The following PIK3C2G variants were observed in gnomAD, a reference collection of about 807,000 sequenced individuals.
PIK3C2G encodes the protein phosphatidylinositol 3-kinase C2 domain-containing subunit gamma.
PIK3C2G carries 168 observed loss-of-function variants against 181.1 expected under a neutral mutation model. The observed-to-expected ratio is 0.93, with a 90% CI of 0.82 to 1.05. The LOEUF (loss-of-function observed/expected upper bound fraction) is 1.05. PIK3C2G is among the 50% of genes least tolerant of loss of function. PIK3C2G has a pLI of 0.00. For synonymous variants in PIK3C2G, 573 were observed against 592.2 expected (o/e 0.97, Z 0.47); for missense variants, 1,869 against 1,732.8 (o/e 1.08, Z -1.40).
chr12:18,449,215 C>G (rs983298484), intron 18 of PIK3C2G, among the ~76,000 whole-genome samples: 4 of 152,072 alleles, frequency 2.6e-5, no homozygotes, highest in African/African-American at 9.7e-5. Context: ...TCTCTGCTTT[C>G]ATGCCAGTAC....
chr12:18,683,410 T>C, the PIK3C2G span: 2 of 1,468,490 alleles, frequency 1.4e-6, no homozygotes, highest in Non-Finnish European at 1.9e-6. Flanking sequence ...AAGAGCTCTT[T>C]ACTAAGCCTA....
chr12:18,701,689 T>TAC, the PIK3C2G span: 7 of 1,610,370 alleles, frequency 4.3e-6, no homozygotes, highest in Non-Finnish European at 5.9e-6. Flanking sequence ...TCCTCCACCT[T>TAC]ACCACGCTTA....
At chr12:18,560,200 T>C (rs1056405099) in intron 26 of PIK3C2G, among the ~76,000 whole-genome samples, 3 of 151,966 alleles carry the variant, frequency 2.0e-5, no homozygotes, top group African/African-American at 7.2e-5. Flanking sequence ...AAAAATCCTC[T>C]ACTCCTTCCT....
At chr12:18,449,993 G>T (rs1337268598) in intron 18 of PIK3C2G, among the ~76,000 whole-genome samples, 1 of 152,126 alleles carries the variant, frequency 6.6e-6, no homozygotes, top group South Asian at 2.1e-4. Context: ...GCATGAGATG[G>T]TTTCTCATAT....
chr12:18,394,448 A>C (rs1943733477), intron 15 of PIK3C2G, among the ~76,000 whole-genome samples: 1 of 152,120 alleles, frequency 6.6e-6, no homozygotes, highest in South Asian at 2.1e-4. Context: ...AATTGGAAAG[A>C]ATCAGGAAAA....
intron 24 of PIK3C2G, among the ~76,000 whole-genome samples, chr12:18,506,812 C>T (rs953544989): frequency 5.9e-5 from 9 of 152,024 alleles, no homozygotes; most frequent in South Asian, 2.1e-4. Flanking sequence ...TAGTCACTTT[C>T]GCCTGAGAAC....
chr12:18,334,622 T>A (rs80324119), intron 8 of PIK3C2G, among the ~76,000 whole-genome samples: 2,453 of 145,466 alleles, frequency 0.017, 61 homozygotes, highest in African/African-American at 0.065. Flanking sequence ...AGTGTTCAAC[T>A]TTTTTTTTCT....
chr12:18,699,728 C>G, the PIK3C2G span: 2 of 1,456,578 alleles, frequency 1.4e-6, no homozygotes, highest in Admixed American at 3.4e-5. Flanking sequence ...ATTGAGCAAT[C>G]TTAACACCCT....
chr12:18,407,616 A>G (rs1188346492), intron 16 of PIK3C2G, among the ~76,000 whole-genome samples: 1 of 152,156 alleles, frequency 6.6e-6, no homozygotes, highest in East Asian at 1.9e-4. Flanking sequence ...ATGAGTGTAA[A>G]ACAACAGTTG....
At chr12:18,629,309 G>A (rs1198896961) in intron 31 of PIK3C2G, among the ~76,000 whole-genome samples, 1 of 152,310 alleles carries the variant, frequency 6.6e-6, no homozygotes, top group Middle Eastern at 3.4e-3. Context: ...TTAGCTCACA[G>A]TCTCTGCCTA....
At chr12:18,305,532 C>T (rs12320758) in intron 5 of PIK3C2G, among the ~76,000 whole-genome samples, 1 of 152,004 alleles carries the variant, frequency 6.6e-6, no homozygotes, top group Non-Finnish European at 1.5e-5. Flanking sequence ...AAAGCACTGT[C>T]TATTTTTCAA....
chr12:18,423,130 T>TGAGAGAGAGAGAGA (rs144744234), intron 17 of PIK3C2G, among the ~76,000 whole-genome samples: 1 of 149,108 alleles, frequency 6.7e-6, no homozygotes, highest in Non-Finnish European at 1.5e-5. Flanking sequence ...TCTGAAGCTT[T>TGAGAGAGAGAGAGA]GAGAGAGAGA....
intron 18 of PIK3C2G, among the ~76,000 whole-genome samples, chr12:18,479,979 A>T (rs1939395565): frequency 1.3e-5 from 2 of 152,194 alleles, no homozygotes; most frequent in South Asian, 4.1e-4. Flanking sequence ...GAATGTGTTC[A>T]GCTGGAGTGG....
At chr12:18,642,481 G>C (rs536995320) in intron 32 of PIK3C2G, among the ~76,000 whole-genome samples, 2 of 152,240 alleles carry the variant, frequency 1.3e-5, no homozygotes, top group South Asian at 4.1e-4. Context: ...GATCACATCA[G>C]ACAGCTTGTC....
At chr12:18,680,242 T>C in the PIK3C2G span, among the ~76,000 whole-genome samples, 1 of 152,020 alleles carries the variant, frequency 6.6e-6, no homozygotes, top group African/African-American at 2.4e-5. Context: ...CCATTCTCTC[T>C]GCACTAACCA....
Position 18,598,564 on chromosome 12 carries a change from T to A in PIK3C2G, c.4087+3995T>A, listed in dbSNP as rs560758879. On this transcript the variant is annotated intron_variant, in intron 30 of 32. Coordinates refer to ENST00000538779, the MANE Select transcript of PIK3C2G (RefSeq NM_001288772.2). The stretch of plus-strand genomic sequence containing the variant: ...AAAACCCTAGAAGAAAACCTAGGCA[T>A]TACCATTCAGGACATAGGCATGGGC... 4.3e-3 allele frequency among the ~76,000 whole-genome samples: 646 copies of A among 151,508 alleles called. 4 individuals are homozygous for A. Among genetic ancestry groups the A allele is most frequent in the Non-Finnish European group, 6.1e-3 (412 of 67,800 alleles).
intron 3 of PIK3C2G, among the ~76,000 whole-genome samples, chr12:18,288,631 G>C (rs1450546108): frequency 6.6e-6 from 1 of 152,166 alleles, no homozygotes; most frequent in Non-Finnish European, 1.5e-5. Flanking sequence ...GCTACTCACT[G>C]TGACAATATG....
intron 1 of PIK3C2G, among the ~76,000 whole-genome samples, chr12:18,274,731 C>G (rs980476035): frequency 1.3e-5 from 2 of 151,974 alleles, no homozygotes; most frequent in South Asian, 4.2e-4. Context: ...TGCAGCACAC[C>G]AACATGGCAC....
upstream of PIK3C2G, among the ~76,000 whole-genome samples, chr12:18,260,245 T>C (rs1948200130): frequency 6.6e-6 from 1 of 152,106 alleles, no homozygotes; most frequent in Non-Finnish European, 1.5e-5. Flanking sequence ...GAAGGGACTA[T>C]TTTTCTTAAA....
Sources: allele counts gnomAD v4.1 joint callset (sites outside exome capture counted in the v4.1 genomes callset), GRCh38; gene constraint gnomAD v4.1.1; transcripts MANE v1.5; gene names NCBI Gene and HGNC (gene_info 2026-07-23, HGNC 2026-07-21).